EVC2: variants seen among roughly 807,000 people sequenced by gnomAD.
EVC2 encodes limbin.
EVC2 carries 148 observed loss-of-function variants against 149.3 expected under a neutral mutation model. The ratio of observed to expected loss-of-function variants is 0.99; its 90% CI spans 0.87 to 1.14. EVC2 has a LOEUF of 1.14. Ranked by LOEUF, EVC2 falls within the 50% of genes most tolerant of loss-of-function variation. EVC2 has a pLI of 0.00. For missense variants in EVC2, 1,854 were observed against 1,627.3 expected (o/e 1.14, Z -2.40); for synonymous variants, 776 against 649.9 (o/e 1.19, Z -2.95).
chr4:5,609,440 CT>C (rs1229680889), intron 16 of EVC2, among the ~76,000 whole-genome samples: 1 of 152,206 alleles, frequency 6.6e-6, no homozygotes, highest in African/African-American at 2.4e-5. Context: ...TCAAGAGTGT[CT>C]ATTCTCTTGG....
In EVC2 at chr4:5,594,350, G is replaced by A. The variant is rs185221931; in HGVS notation, c.2830-9500C>T. ...GTAGGGGCAGACTGACACCTCACAC[G>A]GCCGGGTACTCCTCTGAGACAAAAC... On this transcript the variant is annotated intron_variant, in intron 16 of 21. Transcript: ENST00000344408. 4.1e-3 allele frequency among the ~76,000 whole-genome samples: 620 copies of A among 152,266 alleles called. 4 individuals carry two copies. Among genetic ancestry groups the A allele is most frequent in the African/African-American group, 0.014 (582 of 41,546 alleles).
rs1194553792 is a variant in EVC2, at chr4:5,562,484, A to G, written c.*364T>C. On this transcript the variant is annotated 3_prime_UTR_variant, in exon 22 of 22. Coordinates refer to ENST00000344408, the MANE Select transcript of EVC2 (RefSeq NM_147127.5). The surrounding 1 kb of genome is among the most constrained non-coding windows in gnomAD (Gnocchi z 4.3). The stretch of plus-strand genomic sequence containing the variant: ...TTTTTAAAATTCCCTTTATAAAAAT[A>G]GAATATGTAACAAATACAAAACATA... 2.8e-6 allele frequency: 3 copies of G among 1,087,118 alleles called. No homozygotes were observed. The highest frequency in any genetic ancestry group is 2.2e-6 in the Non-Finnish European group (2 of 891,700). 67.3% of individuals were successfully genotyped at this position (1,087,118 alleles called of 1,614,324 possible).
intron 19 of EVC2, among the ~76,000 whole-genome samples, chr4:5,574,237 A>G (rs2108776507): frequency 6.6e-6 from 1 of 152,210 alleles, no homozygotes; most frequent in East Asian, 1.9e-4. Flanking sequence ...GCTCTGTATC[A>G]GGAAGGGAGG....
rs141896934 is a variant in EVC2, at chr4:5,697,116, C to T, written c.283+477G>A. Among the ~76,000 whole-genome samples the T allele has an allele frequency of 3.7e-3, 564 of 152,306 alleles. 4 individuals are homozygous for T. The highest frequency in any genetic ancestry group is 0.013 in the African/African-American group (533 of 41,564). On this transcript the variant is annotated intron_variant, in intron 2 of 21. Transcript: ENST00000344408. ...CCATCCCTAAGGAACGCAGGCAATGCGGCCATAGATGCTGGAAAAGGAGAG... is the reference window on the plus strand; with the variant it reads ...CCATCCCTAAGGAACGCAGGCAATGTGGCCATAGATGCTGGAAAAGGAGAG...
At position 5,576,588 on chromosome 4, in the gene EVC2, C is replaced by T. The variant is rs1228451787; in HGVS notation, c.3058-134G>A. The T allele has an allele frequency of 7.4e-6, 11 of 1,482,780 alleles. No individual in the cohort carries two copies. In the Admixed American group the frequency reaches 1.2e-4, roughly 16 times the overall value. The allele number at this position is 1,482,780 out of a possible 1,614,324, so 91.9% of individuals were successfully genotyped here. A position where few individuals can be genotyped will look rare whatever the true frequency, so the allele number is the denominator to read the frequency against. ...TTGCCTGGTTCCCCATCCAGCTGTG[C>T]CACATGGTGCAATGTGAGTGCACCA... On this transcript the variant is annotated intron_variant, in intron 17 of 21. Coordinates refer to ENST00000344408, the MANE Select transcript of EVC2 (RefSeq NM_147127.5). This position sits in a 1 kb window ranked among gnomAD's most constrained non-coding sequence, Gnocchi z 4.5.
the EVC2 span, among the ~76,000 whole-genome samples, chr4:5,535,136 G>A: frequency 6.6e-6 from 1 of 152,094 alleles, no homozygotes; most frequent in Admixed American, 6.5e-5. The surrounding 1 kb of genome is among the most constrained non-coding windows in gnomAD (Gnocchi z 4.7). Context: ...AAATCCCCTG[G>A]CTGGTCACCT....
At chr4:5,667,876 A>C (rs1719380201) in intron 7 of EVC2, among the ~76,000 whole-genome samples, 1 of 152,214 alleles carries the variant, frequency 6.6e-6, no homozygotes, top group Admixed American at 6.5e-5. Flanking sequence ...TACTACATGT[A>C]AAAAACAGTT....
chr4:5,644,191 G>T (rs1319707690), intron 9 of EVC2, among the ~76,000 whole-genome samples: 1 of 152,054 alleles, frequency 6.6e-6, no homozygotes, highest in African/African-American at 2.4e-5. Flanking sequence ...TCTATCCTCT[G>T]TATTTCCTGT....
chr4:5,604,151 G>T (rs1224292375), intron 16 of EVC2, among the ~76,000 whole-genome samples: 1 of 152,200 alleles, frequency 6.6e-6, no homozygotes, highest in Non-Finnish European at 1.5e-5. Context: ...GAGGGTCTAG[G>T]ATTGTTTAAA....
In EVC2 at chr4:5,543,432, G is replaced by A. The variant is rs16837412; in HGVS notation, c.3420-220C>T. Among the ~76,000 whole-genome samples, 1,183 of 152,294 alleles carry A rather than the reference G, an allele frequency of 7.8e-3. 14 individuals carry two copies. Among genetic ancestry groups the A allele is most frequent in the African/African-American group, 0.026 (1,090 of 41,548 alleles). Reference sequence around the variant, plus strand: ...AATTTTGAAGCCCAAAGCATTCAACGGCAAGAGGCTAGCCTGCAGGGTTCG... The same window carrying A: ...AATTTTGAAGCCCAAAGCATTCAACAGCAAGAGGCTAGCCTGCAGGGTTCG... On this transcript the variant is annotated intron_variant and NMD_transcript_variant, in intron 21 of 22. Coordinates refer to the EVC2 transcript ENST00000475313.
intron 13 of EVC2, among the ~76,000 whole-genome samples, chr4:5,624,127 A>C (rs1288780394): frequency 2.6e-5 from 4 of 152,200 alleles, no homozygotes; most frequent in Admixed American, 1.3e-4. Context: ...GAATCAGGTT[A>C]AGAAATGGGG....
In EVC2 at chr4:5,625,923, T is replaced by C; in HGVS notation, c.1887-15A>G. 2 of 1,613,740 alleles carry C rather than the reference T, an allele frequency of 1.2e-6. No homozygotes were observed. Among genetic ancestry groups the C allele is most frequent in the Non-Finnish European group, 1.7e-6 (2 of 1,179,914 alleles). Reference sequence around the variant, plus strand: ...GGTACCCTGCTCTAGATGGAAAGGATGTAAAGTTAGGAATGTGGTCTCCAA... The same window carrying C: ...GGTACCCTGCTCTAGATGGAAAGGACGTAAAGTTAGGAATGTGGTCTCCAA... On this transcript the variant is annotated splice_polypyrimidine_tract_variant and intron_variant, in intron 12 of 21. Transcript: ENST00000344408. This position sits in a 1 kb window ranked among gnomAD's most constrained non-coding sequence, Gnocchi z 4.0.
intron 15 of EVC2, among the ~76,000 whole-genome samples, chr4:5,617,138 T>C (rs1011829772): frequency 2.6e-5 from 4 of 152,202 alleles, no homozygotes; most frequent in African/African-American, 9.7e-5. Context: ...GATTCCAAGT[T>C]GTTTCTGCAT....
In EVC2 at chr4:5,569,903, C is replaced by A. The variant is rs949004330; in HGVS notation, c.3361-1263G>T. On this transcript the variant is annotated intron_variant, in intron 19 of 21. Coordinates refer to ENST00000344408, the MANE Select transcript of EVC2 (RefSeq NM_147127.5). The surrounding 1 kb of genome is among the most constrained non-coding windows in gnomAD (Gnocchi z 4.8). ...TCCATGGCCTCCCTCCACTGTCACA[C>A]TGAAATACTTGTTCTTCCCTGACCG... 6.6e-6 allele frequency among the ~76,000 whole-genome samples: 1 copy of A among 152,206 alleles called. No individual in the cohort carries two copies. Among genetic ancestry groups the A allele is most frequent in the African/African-American group, 2.4e-5 (1 of 41,460 alleles).
At chr4:5,577,210 A>T (rs1279762751) in intron 17 of EVC2, among the ~76,000 whole-genome samples, 1 of 152,238 alleles carries the variant, frequency 6.6e-6, no homozygotes, top group Non-Finnish European at 1.5e-5. Context: ...TGAGTGGCAG[A>T]TCCTGAATTT....
intron 16 of EVC2, among the ~76,000 whole-genome samples, chr4:5,593,851 T>G (rs979860731): frequency 6.6e-6 from 1 of 152,062 alleles, no homozygotes; most frequent in Non-Finnish European, 1.5e-5. Context: ...CCTGGAAAAT[T>G]GGGTCACTCC....
chr4:5,698,762 G>C (rs567391636), intron 1 of EVC2, among the ~76,000 whole-genome samples: 1 of 152,332 alleles, frequency 6.6e-6, no homozygotes, highest in African/African-American at 2.4e-5. Flanking sequence ...AGCCTGGCAC[G>C]CAAGCAGCCT....
At chr4:5,689,655 T>C (rs142914762) in intron 4 of EVC2, among the ~76,000 whole-genome samples, 11 of 152,158 alleles carry the variant, frequency 7.2e-5, no homozygotes, top group East Asian at 5.8e-4. Context: ...GTTGGGGAAA[T>C]TGTGATAACC....
At chr4:5,703,260 A>T (rs1721939994) in intron 1 of EVC2, among the ~76,000 whole-genome samples, 1 of 152,164 alleles carries the variant, frequency 6.6e-6, no homozygotes, top group Non-Finnish European at 1.5e-5. Context: ...TATTATTATC[A>T]CCGCTCTTGT....
Sources: gnomAD v4.1 joint callset for allele counts (sites outside exome capture counted in the v4.1 genomes callset) on GRCh38, gnomAD v4.1.1 for gene constraint, Gnocchi (gnomAD v3.1) non-coding constraint, MANE v1.5 for transcripts, NCBI Gene and HGNC (gene_info 2026-07-23, HGNC 2026-07-21) for gene names.